The following TIAM1 variants were observed in gnomAD, a reference collection of about 807,000 sequenced individuals.
The protein encoded by TIAM1 is rho guanine nucleotide exchange factor TIAM1.
A neutral mutation model predicts 163.5 loss-of-function variants in TIAM1; 65 were observed. The ratio of observed to expected loss-of-function variants is 0.40; its 90% CI spans 0.33 to 0.49. The LOEUF (loss-of-function observed/expected upper bound fraction) is 0.49. Among genes scored for constraint, TIAM1 ranks in the 20% least tolerant of loss-of-function variants. The probability of loss-of-function intolerance (pLI) is 0.77; values close to 1 mark genes in which losing one functional copy is unlikely to be tolerated. For synonymous variants in TIAM1, 833 were observed against 810.1 expected (o/e 1.03, Z -0.48); for missense variants, 1,789 against 2,044.7 (o/e 0.87, Z 2.41).
chr21:31,425,792 G>A (rs2043773121), intron 2 of TIAM1, among the ~76,000 whole-genome samples: 1 of 151,788 alleles, frequency 6.6e-6, no homozygotes, highest in African/African-American at 2.4e-5. Context: ...CGCCTCGCAG[G>A]TTCAAGCAAT....
chr21:31,132,522 C>G lies in TIAM1; in HGVS notation c.3884-1574G>C, dbSNP rs140990776. Among the ~76,000 whole-genome samples the G allele has an allele frequency of 3.4e-3, 521 of 152,276 alleles. 1 individual carries two copies. The highest frequency in any genetic ancestry group is 0.012 in the African/African-American group (499 of 41,566). On this transcript the variant is annotated intron_variant, in intron 23 of 27. Transcript: ENST00000541036. Reference sequence around the variant, plus strand: ...CCTTCAGAAATCAGAGAGGCTGGGACAGCTAGGTCCTCTTAGAAATGAAAG... The same window carrying G: ...CCTTCAGAAATCAGAGAGGCTGGGAGAGCTAGGTCCTCTTAGAAATGAAAG...
At chr21:31,213,745 T>C (rs375939918) in intron 9 of TIAM1, among the ~76,000 whole-genome samples, 4 of 150,658 alleles carry the variant, frequency 2.7e-5, no homozygotes, top group South Asian at 4.2e-4. Context: ...TTAAAGAAAA[T>C]AGGCTGGGCA....
intron 13 of TIAM1, among the ~76,000 whole-genome samples, chr21:31,189,498 C>G (rs1412366008): frequency 6.6e-6 from 1 of 152,084 alleles, no homozygotes; most frequent in Non-Finnish European, 1.5e-5. Context: ...TCAGACATCT[C>G]TAATTAGTGG....
intron 1 of TIAM1, among the ~76,000 whole-genome samples, chr21:31,543,793 G>C (rs2048397114): frequency 6.6e-6 from 1 of 152,238 alleles, no homozygotes; most frequent in East Asian, 1.9e-4. Context: ...GTCTGGACCA[G>C]TAGGGCTAGC....
At position 31,250,151 on chromosome 21, in the gene TIAM1, G is replaced by GAAAAAAA. The variant is rs755928120; in HGVS notation, c.1411+1584_1411+1590dup. ...ACAGAGTGAGACCCTGTCTCAAACA[G>GAAAAAAA]AAAAAAAAAAAAAAAAAAAAGAAAA... On this transcript the variant is annotated intron_variant, in intron 5 of 27. Transcript: ENST00000541036. Among the ~76,000 whole-genome samples the GAAAAAAA allele has an allele frequency of 2.7e-3, 160 of 58,242 alleles. 1 individual carries two copies. The highest frequency in any genetic ancestry group is 4.4e-3 in the African/African-American group (79 of 17,816). 38.2% of individuals were successfully genotyped at this position (58,242 alleles called of 152,430 possible). A position where few individuals can be genotyped will look rare whatever the true frequency, so the allele number is the denominator to read the frequency against.
chr21:31,494,181 T>C (rs2046566841), intron 1 of TIAM1, among the ~76,000 whole-genome samples: 1 of 152,152 alleles, frequency 6.6e-6, no homozygotes, highest in East Asian at 1.9e-4. Flanking sequence ...CCCAAAGTGC[T>C]GGGATTACAG....
At chr21:31,289,157 T>C (rs1569167598) in intron 2 of TIAM1, among the ~76,000 whole-genome samples, 1 of 152,200 alleles carries the variant, frequency 6.6e-6, no homozygotes, top group Non-Finnish European at 1.5e-5. Flanking sequence ...AAGAAGTCAA[T>C]AGCTTTGCAA....
intron 2 of TIAM1, among the ~76,000 whole-genome samples, chr21:31,389,089 T>C (rs974855706): frequency 6.6e-6 from 1 of 152,236 alleles, no homozygotes; most frequent in African/African-American, 2.4e-5. Context: ...CGTGAATGGG[T>C]GTGGCTACAT....
intron 1 of TIAM1, among the ~76,000 whole-genome samples, chr21:31,553,527 C>G (rs1395223125): frequency 1.3e-5 from 2 of 152,156 alleles, no homozygotes; most frequent in African/African-American, 2.4e-5. Context: ...TGAGTGGGAA[C>G]GAGCTCATGA....
At chr21:31,190,529 GA>G (rs1054856691) in intron 13 of TIAM1, among the ~76,000 whole-genome samples, 7 of 152,132 alleles carry the variant, frequency 4.6e-5, no homozygotes, top group African/African-American at 1.2e-4. Flanking sequence ...AGGATACAAT[GA>G]AAATTCAGAT....
intron 2 of TIAM1, among the ~76,000 whole-genome samples, chr21:31,354,606 T>A (rs1009143753): frequency 6.6e-6 from 1 of 152,106 alleles, no homozygotes; most frequent in Admixed American, 6.5e-5. Flanking sequence ...AAATACATAC[T>A]GAACAGAATC....
At chr21:31,295,008 C>T (rs955215194) in intron 2 of TIAM1, among the ~76,000 whole-genome samples, 15 of 152,214 alleles carry the variant, frequency 9.9e-5, no homozygotes, top group South Asian at 4.1e-4. Flanking sequence ...AAGATCCTGA[C>T]GCTAGTTTTC....
intron 1 of TIAM1, among the ~76,000 whole-genome samples, chr21:31,530,499 T>C (rs1450525357): frequency 2.0e-5 from 3 of 152,212 alleles, no homozygotes; most frequent in Non-Finnish European, 4.4e-5. Flanking sequence ...GGAAACCAGC[T>C]CAACGTACTA....
At chr21:31,549,857 C>T (rs918577709) in intron 1 of TIAM1, among the ~76,000 whole-genome samples, 3 of 152,214 alleles carry the variant, frequency 2.0e-5, no homozygotes, top group East Asian at 3.8e-4. Context: ...GGCGTGGTGG[C>T]TCACGCCTGT....
At chr21:31,350,411 T>C (rs575433956) in intron 2 of TIAM1, among the ~76,000 whole-genome samples, 1 of 152,196 alleles carries the variant, frequency 6.6e-6, no homozygotes, top group Non-Finnish European at 1.5e-5. Context: ...GAAGGTGATA[T>C]AGTTTGGATA....
chr21:31,347,388 C>T (rs1462979757), upstream of TIAM1, among the ~76,000 whole-genome samples: 3 of 152,198 alleles, frequency 2.0e-5, no homozygotes, highest in Non-Finnish European at 2.9e-5. Flanking sequence ...GGGCTGTGTC[C>T]TCCTGCCCAG....
chr21:31,137,662 C>T (rs972135526), intron 22 of TIAM1, among the ~76,000 whole-genome samples: 2 of 151,750 alleles, frequency 1.3e-5, no homozygotes, highest in African/African-American at 4.8e-5. Context: ...TCCAGCACCT[C>T]CCACTAGACT....
At chr21:31,334,962 G>C (rs2075792731) in intron 2 of TIAM1, among the ~76,000 whole-genome samples, 1 of 152,116 alleles carries the variant, frequency 6.6e-6, no homozygotes, top group Non-Finnish European at 1.5e-5. Context: ...GCAACCAAAT[G>C]TGACATCCAA....
At chr21:31,394,997 G>A (rs1210818751) in intron 2 of TIAM1, among the ~76,000 whole-genome samples, 1 of 152,154 alleles carries the variant, frequency 6.6e-6, no homozygotes, top group Non-Finnish European at 1.5e-5. Context: ...CAGCACTTTG[G>A]GAGGCCAAGG....
Sources: gnomAD v4.1 joint callset for allele counts (sites outside exome capture counted in the v4.1 genomes callset) on GRCh38, gnomAD v4.1.1 for gene constraint, MANE v1.5 for transcripts, NCBI Gene and HGNC (gene_info 2026-07-23, HGNC 2026-07-21) for gene names.